The following SCN2A variants were observed in gnomAD, a reference collection of about 807,000 sequenced individuals.
The protein encoded by SCN2A is sodium channel protein type 2 subunit alpha.
Under a neutral mutation model 188.7 loss-of-function variants are expected in SCN2A, and 20 were observed. That is an observed-to-expected ratio of 0.11 (90% CI 0.07 to 0.15). The LOEUF (loss-of-function observed/expected upper bound fraction) is 0.15, where lower values mean the gene tolerates loss of function less well. Ranked by LOEUF, SCN2A falls within the 10% of genes least tolerant of loss-of-function variation. The probability of loss-of-function intolerance (pLI) is 1.00; values close to 1 mark genes in which losing one functional copy is unlikely to be tolerated. For missense variants in SCN2A, 1,278 were observed against 2,445.0 expected (o/e 0.52, Z 10.07); for synonymous variants, 804 against 833.1 (o/e 0.97, Z 0.60).
chr2:165,368,674 A>G (rs1457472951), intron 19 of SCN2A, among the ~76,000 whole-genome samples: 1 of 152,228 alleles, frequency 6.6e-6, no homozygotes. Flanking sequence ...GAAATGATCA[A>G]CTGGATCAAA....
intron 23 of SCN2A, among the ~76,000 whole-genome samples, chr2:165,379,623 A>G (rs921083236): frequency 6.6e-6 from 1 of 151,802 alleles, no homozygotes; most frequent in Non-Finnish European, 1.5e-5. Context: ...AATTTTAAAA[A>G]TATAATTTTA....
chr2:165,269,627 A>G (rs1315265407), intron 1 of SCN2A: 1 of 152,042 alleles, frequency 6.6e-6, no homozygotes, highest in Non-Finnish European at 1.5e-5. Flanking sequence ...GGTCATTATT[A>G]TGATGCTTTA....
At chr2:165,337,315 A>C (rs1699055438) in intron 14 of SCN2A, among the ~76,000 whole-genome samples, 1 of 152,084 alleles carries the variant, frequency 6.6e-6, no homozygotes. Context: ...GTCTAACTAT[A>C]ATATGGGATA....
Position 165,344,921 on chromosome 2 carries a change from A to G in SCN2A, c.2919+10A>G, listed in dbSNP as rs1319997648. ...GATTGGAAATCTAGTGGTATGTAGC[A>G]AAAACATTTTCCTCATTTTCATTAA... On this transcript the variant is annotated intron_variant, in intron 16 of 26. Coordinates refer to ENST00000375437, the MANE Select transcript of SCN2A (RefSeq NM_001040142.2). 2 of 1,614,066 alleles carry G rather than the reference A, an allele frequency of 1.2e-6. No homozygotes were observed. Among genetic ancestry groups the G allele is most frequent in the South Asian group, 1.1e-5 (1 of 91,082 alleles).
chr2:165,331,131 T>C (rs1171003553), intron 13 of SCN2A, among the ~76,000 whole-genome samples, 199 bp from the exon 14 acceptor site: 3 of 152,166 alleles, frequency 2.0e-5, no homozygotes, highest in African/African-American at 7.2e-5. Context: ...AGGATACATT[T>C]GGAAAGCTTA....
At chr2:165,325,357 G>A (rs1698299644) in intron 12 of SCN2A, among the ~76,000 whole-genome samples, 2 of 152,160 alleles carry the variant, frequency 1.3e-5, no homozygotes, top group African/African-American at 2.4e-5. Context: ...AGTGCTTTGA[G>A]GCAGGGCACT....
rs1700076343 is a variant in SCN2A, at chr2:165,354,363, A to C, written c.3091A>C (p.Arg1031=). 6.2e-7 allele frequency: 1 copy of C among 1,614,068 alleles called. No homozygotes were observed. Residue 1031 remains arginine, a synonymous_variant, in exon 17 of 27, where the codon AGG becomes CGG. Transcript: ENST00000375437. ...TGAATTTATTCAGAAAGCCTTTGTT[A>C]GGAAGCAGAAAGCTTTAGATGAAAT... The part of the protein sequence containing the change: ...IREFIQKAFV[R]KQKALDEIKP...
At chr2:165,291,415 C>CCTTT (rs1696128463) in intron 1 of SCN2A, among the ~76,000 whole-genome samples, 1 of 118,256 alleles carries the variant, frequency 8.5e-6, no homozygotes, top group Non-Finnish European at 1.7e-5. Flanking sequence ...TTCCTTCCTT[C>CCTTT]CTCCCTGTCT....
chr2:165,291,655 G>C (rs994742392), intron 1 of SCN2A, among the ~76,000 whole-genome samples: 3 of 143,588 alleles, frequency 2.1e-5, no homozygotes, highest in Non-Finnish European at 4.5e-5. Context: ...TGTGATCATA[G>C]CTCACTGCAG....
chr2:165,293,273 A>G (rs148561296), intron 1 of SCN2A, among the ~76,000 whole-genome samples: 3 of 152,298 alleles, frequency 2.0e-5, no homozygotes, highest in Non-Finnish European at 4.4e-5. Flanking sequence ...GCTATTTAAT[A>G]TGAGTTTTTA....
At chr2:165,372,138 A>G (rs1230411361) in intron 20 of SCN2A, 2 of 152,198 alleles carry the variant, frequency 1.3e-5, no homozygotes, top group Non-Finnish European at 2.9e-5. Context: ...ACAACTCATG[A>G]TAATTCAGTA....
At chr2:165,367,453 T>C (rs1037142746) in intron 19 of SCN2A, 82 bp downstream of exon 19, 5 of 1,439,040 alleles carry the variant, frequency 3.5e-6, no homozygotes, top group Non-Finnish European at 4.9e-6. Flanking sequence ...TTACCCACTT[T>C]TAAATTAAGG....
chr2:165,316,432 A>T (rs1697754759), intron 11 of SCN2A, among the ~76,000 whole-genome samples: 1 of 152,188 alleles, frequency 6.6e-6, no homozygotes, highest in Admixed American at 6.5e-5. Context: ...TACTCATGCA[A>T]GTTGTTGAAA....
intron 1 of SCN2A, among the ~76,000 whole-genome samples, chr2:165,246,337 A>C (rs1693844805): frequency 6.6e-6 from 1 of 152,112 alleles, no homozygotes; most frequent in African/African-American, 2.4e-5. Context: ...AAGTAGTTAA[A>C]TTATTTTCCT....
At chr2:165,282,744 G>A (rs1475129707) in intron 1 of SCN2A, among the ~76,000 whole-genome samples, 1 of 152,138 alleles carries the variant, frequency 6.6e-6, no homozygotes, top group Non-Finnish European at 1.5e-5. Flanking sequence ...GTTTTGCACT[G>A]TACTTCATAA....
At chr2:165,379,806 T>TCATC (rs758297332) in intron 23 of SCN2A, among the ~76,000 whole-genome samples, 11 of 151,750 alleles carry the variant, frequency 7.2e-5, no homozygotes, top group Non-Finnish European at 1.3e-4. Context: ...GCATCTATTA[T>TCATC]CATCATCAGG....
intron 10 of SCN2A, 144 bp downstream of exon 10, chr2:165,314,252 A>C: frequency 1.3e-6 from 1 of 776,992 alleles, no homozygotes; most frequent in Non-Finnish European, 2.1e-6. Flanking sequence ...GTTATTAAGA[A>C]GTTATTACTT....
rs140050162 is a variant in SCN2A, at chr2:165,295,301, A to G, written c.-51-472A>G. Among the ~76,000 whole-genome samples, 13 of 152,330 alleles carry G rather than the reference A, an allele frequency of 8.5e-5. No individual in the cohort carries two copies. In the East Asian group the frequency reaches 2.5e-3, roughly 29 times the overall value. On this transcript the variant is annotated intron_variant, in intron 1 of 26. Transcript: ENST00000375437. ...CTCTTAAATGTGATAAAGTGAGCCA[A>G]AGGGCACGTGCAAAGACTTGGAGAG...
chr2:165,377,660 G>C lies in SCN2A; in HGVS notation c.4308+10G>C. ...TGTTGATTCACGAAATGTAAGTCTAGTTAGAGGGAAATTGTTTAGTTTGAT... is the reference window on the plus strand; with the variant it reads ...TGTTGATTCACGAAATGTAAGTCTACTTAGAGGGAAATTGTTTAGTTTGAT... On this transcript the variant is annotated intron_variant, in intron 23 of 26. Coordinates refer to ENST00000375437, the MANE Select transcript of SCN2A (RefSeq NM_001040142.2). 1 of 1,598,930 alleles carries C rather than the reference G, an allele frequency of 6.3e-7. No individual in the cohort carries two copies. Among genetic ancestry groups the C allele is most frequent in the African/African-American group, 1.3e-5 (1 of 74,632 alleles).
Sources: allele counts gnomAD v4.1 joint callset (sites outside exome capture counted in the v4.1 genomes callset), GRCh38; gene constraint gnomAD v4.1.1; transcripts MANE v1.5; gene names NCBI Gene and HGNC (gene_info 2026-07-23, HGNC 2026-07-21).